The following WIPF2 variants were observed in gnomAD, a reference collection of about 807,000 sequenced individuals.
WIPF2 encodes the protein WAS/WASL-interacting protein family member 2.
In WIPF2, 23 loss-of-function variants were observed where a neutral mutation model predicts 38.8. That is an observed-to-expected ratio of 0.59 (90% CI 0.43 to 0.84). WIPF2 has a LOEUF of 0.84. Ranked by LOEUF, WIPF2 falls within the 40% of genes least tolerant of loss-of-function variation. The probability of loss-of-function intolerance (pLI) is 0.00; values close to 1 mark genes in which losing one functional copy is unlikely to be tolerated. For synonymous variants in WIPF2, 210 were observed against 223.2 expected (o/e 0.94, Z 0.53); for missense variants, 574 against 580.5 (o/e 0.99, Z 0.11).
At chr17:40,275,895 A>G (rs915183254) in intron 6 of WIPF2, among the ~76,000 whole-genome samples, 8 of 152,054 alleles carry the variant, frequency 5.3e-5, no homozygotes, top group African/African-American at 1.9e-4. Flanking sequence ...TGCTGTCCTT[A>G]CCTACCCACT....
chr17:40,246,801 G>T (rs1244181840), intron 1 of WIPF2, among the ~76,000 whole-genome samples: 1 of 151,926 alleles, frequency 6.6e-6, no homozygotes, highest in Non-Finnish European at 1.5e-5. Flanking sequence ...GAAAGATATG[G>T]TACTGTCTGT....
rs2032552857 is a variant in WIPF2, at chr17:40,281,886, C to A, written c.*3661C>A. On this transcript the variant is annotated 3_prime_UTR_variant, in exon 8 of 8. Transcript: ENST00000323571. ...TTGAGCTGTCTGCCCTTCCGGAAAC[C>A]CAACCTGCAATCAACTGCAAATCAA... 1 of 152,434 alleles carries A rather than the reference C, an allele frequency of 6.6e-6. No individual in the cohort carries two copies. The allele number at this position is 152,434 out of a possible 1,614,324, so 9.4% of individuals were successfully genotyped here. A position where few individuals can be genotyped will look rare whatever the true frequency, so the allele number is the denominator to read the frequency against.
At position 40,278,291 on chromosome 17, in the gene WIPF2, C is replaced by T. The variant is rs1000253333; in HGVS notation, c.*66C>T. ...TCTCTTCTTCTCAGATGGTCCCTTC[C>T]ATTCCCCTGAAACCTGCATGAGAGC... On this transcript the variant is annotated 3_prime_UTR_variant, in exon 8 of 8. Coordinates refer to ENST00000323571, the MANE Select transcript of WIPF2 (RefSeq NM_133264.5). The T allele has an allele frequency of 4.4e-6, 7 of 1,576,510 alleles. No homozygotes were observed. The African/African-American group carries it at 9.4e-5, about 21-fold the overall frequency.
At chr17:40,230,893 C>T (rs1036516174) in intron 1 of WIPF2, among the ~76,000 whole-genome samples, 12 of 152,086 alleles carry the variant, frequency 7.9e-5, no homozygotes, top group Non-Finnish European at 1.5e-4. Context: ...TAGCATGACA[C>T]GTAAGTCTTG....
At chr17:40,224,226 CT>C (rs1349464747) in intron 1 of WIPF2, among the ~76,000 whole-genome samples, 1 of 131,008 alleles carries the variant, frequency 7.6e-6, no homozygotes, top group Non-Finnish European at 1.6e-5. Flanking sequence ...TTTTTCTTTT[CT>C]TTTCTTTTTT....
chr17:40,230,988 A>G (rs955505200), intron 1 of WIPF2, among the ~76,000 whole-genome samples: 5 of 152,192 alleles, frequency 3.3e-5, no homozygotes, highest in Admixed American at 2.6e-4. Context: ...ACTTTTGTTC[A>G]GAAATCACAG....
chr17:40,261,414 C>T (rs1047765301), intron 3 of WIPF2, among the ~76,000 whole-genome samples: 1 of 151,938 alleles, frequency 6.6e-6, no homozygotes, highest in Admixed American at 6.6e-5. Flanking sequence ...TCTTATGCCT[C>T]AGCCTGCCAA....
rs1433004340 is a variant in WIPF2 at position 40,264,348 on chromosome 17, A to AAG, written c.314-141_314-140insGA. 1,014 of 676,598 alleles carry AAG rather than the reference A, an allele frequency of 1.5e-3. 16 individuals carry two copies. In the African/African-American group the frequency reaches 0.017, roughly 11 times the overall value. 41.9% of individuals were successfully genotyped at this position (676,598 alleles called of 1,614,324 possible). A position where few individuals can be genotyped will look rare whatever the true frequency, so the allele number is the denominator to read the frequency against. The stretch of plus-strand genomic sequence containing the variant: ...TCTCAAAAAAAAAAAAAAAAAAAAA[A>AAG]AAAAAGAAAAACAAAAAACCCAGAA... On this transcript the variant is annotated intron_variant, in intron 4 of 7. Coordinates refer to ENST00000323571, the MANE Select transcript of WIPF2 (RefSeq NM_133264.5).
chr17:40,278,429 T>A lies in WIPF2; in HGVS notation c.*204T>A. 1 of 594,698 alleles carries A rather than the reference T, an allele frequency of 1.7e-6. No homozygotes were observed. Among genetic ancestry groups the A allele is most frequent in the Non-Finnish European group, 2.9e-6 (1 of 343,304 alleles). 36.8% of individuals were successfully genotyped at this position (594,698 alleles called of 1,614,324 possible). ...TGGTGATCAGACTCTATATTGACAG[T>A]AGGATCTCAAACCCTGCATCCATCC... On this transcript the variant is annotated 3_prime_UTR_variant, in exon 8 of 8. Transcript: ENST00000323571.
intron 1 of WIPF2, among the ~76,000 whole-genome samples, chr17:40,227,822 C>T (rs944638325): frequency 6.6e-6 from 1 of 151,728 alleles, no homozygotes; most frequent in African/African-American, 2.4e-5. Context: ...GCACTCCAGC[C>T]TGGGTGACAG....
intron 2 of WIPF2, among the ~76,000 whole-genome samples, chr17:40,256,953 T>C (rs1195825335): frequency 1.3e-5 from 2 of 152,198 alleles, no homozygotes; most frequent in Non-Finnish European, 2.9e-5. Flanking sequence ...ATGTTGTTTC[T>C]TTGGCATTTT....
chr17:40,260,849 C>G, intron 3 of WIPF2, 182 bp downstream of exon 3: 1 of 840,112 alleles, frequency 1.2e-6, no homozygotes. Flanking sequence ...TGGAGAGCAT[C>G]TCAGGATTAA....
At chr17:40,275,240 C>CAAA (rs58914738) in intron 6 of WIPF2, among the ~76,000 whole-genome samples, 6 of 60,126 alleles carry the variant, frequency 1.0e-4, no homozygotes, top group African/African-American at 1.3e-4. Flanking sequence ...GACTCCGTCT[C>CAAA]AAAAAAAAAA....
chr17:40,252,855 C>CT (rs1043071939), intron 1 of WIPF2, among the ~76,000 whole-genome samples: 29 of 151,620 alleles, frequency 1.9e-4, no homozygotes, highest in African/African-American at 7.0e-4. Context: ...CCTCCGCCTT[C>CT]CAGGTTCAAG....
Position 40,278,470 on chromosome 17 carries a change from C to T in WIPF2, c.*245C>T. The stretch of plus-strand genomic sequence containing the variant: ...GCATCCATCCTTCCTCCAGCAAGCC[C>T]TGCTAGCCACATGAGGAACAAGTTT... On this transcript the variant is annotated 3_prime_UTR_variant, in exon 8 of 8. Transcript: ENST00000323571. The T allele has an allele frequency of 1.9e-6, 1 of 516,662 alleles. No homozygotes were observed. 32.0% of individuals were successfully genotyped at this position (516,662 alleles called of 1,614,324 possible). A position where few individuals can be genotyped will look rare whatever the true frequency, so the allele number is the denominator to read the frequency against.
chr17:40,267,405 AAAT>A (rs1175732199), intron 5 of WIPF2, among the ~76,000 whole-genome samples: 2 of 152,202 alleles, frequency 1.3e-5, no homozygotes, highest in Admixed American at 1.3e-4. Context: ...AGCATAACTG[AAAT>A]TTTAGAGTGA....
Position 40,256,419 on chromosome 17 carries a change from A to G in WIPF2, c.-41A>G, listed in dbSNP as rs974543727. 5.0e-6 allele frequency: 8 copies of G among 1,589,896 alleles called. No individual in the cohort carries two copies. The highest frequency in any genetic ancestry group is 1.9e-5 in the Admixed American group (1 of 53,562). ...TATGAATGACCTAAAGGTACAAATA[A>G]AGACGGAGAGAGAACAGTGCCAACT... On this transcript the variant is annotated 5_prime_UTR_variant, in exon 2 of 8. Transcript: ENST00000323571.
At chr17:40,224,732 C>T (rs2145271622) in intron 1 of WIPF2, among the ~76,000 whole-genome samples, 1 of 151,954 alleles carries the variant, frequency 6.6e-6, no homozygotes, top group Admixed American at 6.6e-5. Flanking sequence ...TTCTTCACTG[C>T]TTCAGATGGG....
At position 40,281,652 on chromosome 17, in the gene WIPF2, C is replaced by T. The variant is rs1413157670; in HGVS notation, c.*3427C>T. 1 of 152,628 alleles carries T rather than the reference C, an allele frequency of 6.6e-6. No homozygotes were observed. Among genetic ancestry groups the T allele is most frequent in the Non-Finnish European group, 1.5e-5 (1 of 68,058 alleles). 9.5% of individuals were successfully genotyped at this position (152,628 alleles called of 1,614,324 possible). On this transcript the variant is annotated 3_prime_UTR_variant, in exon 8 of 8. Coordinates refer to ENST00000323571, the MANE Select transcript of WIPF2 (RefSeq NM_133264.5). ...TTCCCAACTTGAAACCCAGATTTACCTCCAGGGAGAGGTGAGAAAAAAATT... is the reference window on the plus strand; with the variant it reads ...TTCCCAACTTGAAACCCAGATTTACTTCCAGGGAGAGGTGAGAAAAAAATT...
Sources: allele counts gnomAD v4.1 joint callset (sites outside exome capture counted in the v4.1 genomes callset), GRCh38; gene constraint gnomAD v4.1.1; transcripts MANE v1.5; gene names NCBI Gene and HGNC (gene_info 2026-07-23, HGNC 2026-07-21).